Variants in C11orf65 observed in about 807,000 individuals in gnomAD.
C11orf65 encodes chromosome 11 open reading frame 65, also known as protein MFI.
C11orf65 carries 38 observed loss-of-function variants against 35.3 expected under a neutral mutation model. The ratio of observed to expected loss-of-function variants is 1.08; its 90% CI spans 0.83 to 1.41. The LOEUF (loss-of-function observed/expected upper bound fraction) is 1.41, where lower values mean the gene tolerates loss of function less well. C11orf65 is among the 40% of genes most tolerant of loss of function. The probability of loss-of-function intolerance (pLI) is 0.00; values close to 1 mark genes in which losing one functional copy is unlikely to be tolerated. For missense variants in C11orf65, 370 were observed against 367.1 expected (o/e 1.01, Z -0.06); for synonymous variants, 105 against 114.4 (o/e 0.92, Z 0.53).
chr11:108,452,027 C>G (rs1365908464), intron 2 of C11orf65, among the ~76,000 whole-genome samples: 2 of 152,056 alleles, frequency 1.3e-5, no homozygotes, highest in Non-Finnish European at 2.9e-5. Context: ...AAGACTTAAA[C>G]GTTAGACCTA....
chr11:108,461,978 A>G (rs1056114143), intron 1 of C11orf65, among the ~76,000 whole-genome samples: 8 of 152,136 alleles, frequency 5.3e-5, no homozygotes, highest in African/African-American at 1.9e-4. Context: ...TGAAAATTAA[A>G]TAGAGTTGTA....
chr11:108,319,836 A>AT, intron 6 of C11orf65: 1 of 717,074 alleles, frequency 1.4e-6, no homozygotes, highest in Non-Finnish European at 2.4e-6. Flanking sequence ...CTAGAAATGC[A>AT]TTTTTTAGAA....
chr11:108,419,489 A>C (rs757627729), intron 3 of C11orf65, among the ~76,000 whole-genome samples: 3 of 152,164 alleles, frequency 2.0e-5, no homozygotes, highest in Non-Finnish European at 2.9e-5. Context: ...CTTGAGGACA[A>C]GAGTTTGAGA....
At chr11:108,396,260 T>C (rs1288870402) in intron 6 of C11orf65, among the ~76,000 whole-genome samples, 2 of 151,766 alleles carry the variant, frequency 1.3e-5, no homozygotes, top group African/African-American at 4.8e-5. Flanking sequence ...GCTTAGCTAA[T>C]TTTTGTATTT....
chr11:108,407,195 G>C, intron 3 of C11orf65, 46 bp from the exon 4 acceptor site: 5 of 1,295,328 alleles, frequency 3.9e-6, no homozygotes, highest in Non-Finnish European at 5.3e-6. Flanking sequence ...TCAGGATTCT[G>C]TATGTATCAA....
chr11:108,415,848 T>C (rs567786188), intron 3 of C11orf65, among the ~76,000 whole-genome samples: 1 of 151,958 alleles, frequency 6.6e-6, no homozygotes, highest in African/African-American at 2.4e-5. Flanking sequence ...GCAAAGGCAA[T>C]TTAGTGACAA....
At chr11:108,429,217 T>C (rs1034579914) in intron 3 of C11orf65, among the ~76,000 whole-genome samples, 2 of 151,964 alleles carry the variant, frequency 1.3e-5, no homozygotes, top group Middle Eastern at 3.2e-3. Context: ...TATTGATAAA[T>C]TGAACTACAT....
chr11:108,448,101 G>A (rs1163455191), intron 2 of C11orf65, among the ~76,000 whole-genome samples: 3 of 152,106 alleles, frequency 2.0e-5, no homozygotes, highest in African/African-American at 7.2e-5. Flanking sequence ...TTGAATCTCT[G>A]AATAGACCAA....
downstream of C11orf65, chr11:108,327,447 A>G (rs2085784395): frequency 5.6e-6 from 3 of 535,450 alleles, no homozygotes; most frequent in Admixed American, 6.1e-5. Flanking sequence ...GGCAATAATA[A>G]TAATAAACAG....
chr11:108,407,101 C>T lies in C11orf65; in HGVS notation c.223G>A (p.Gly75Ser), dbSNP rs757036069. 5.6e-6 allele frequency: 9 copies of T among 1,610,648 alleles called. No individual in the cohort carries two copies. The highest frequency in any genetic ancestry group is 6.8e-6 in the Non-Finnish European group (8 of 1,177,518). The change falls in exon 4 of 9, where the codon GGT becomes AGT. Residue 75 changes from glycine to serine, a missense_variant. Physicochemically the swap from Gly to Ser is moderately conservative, Grantham distance 56 (BLOSUM62 0). Transcript: ENST00000393084. ...AAGIHVRFRL[G>S]GVKFPPDIYY... ...AAGCATTCATCCATACTTACTCCAC[C>T]TAATCTGAATCGCACATGAATGCCA... is the stretch of plus-strand genomic sequence containing the variant.
chr11:108,333,838 A>T, intron 3 of C11orf65: 1 of 1,429,360 alleles, frequency 7.0e-7, no homozygotes, highest in East Asian at 2.3e-5. Flanking sequence ...TTGACCTTCA[A>T]TGCTGTTCCT....
intron 2 of C11orf65, chr11:108,343,400 T>TGTA: frequency 6.2e-7 from 1 of 1,612,770 alleles, no homozygotes; most frequent in Non-Finnish European, 8.5e-7. Context: ...TAAAGGTTAT[T>TGTA]GTAAGATTAT....
chr11:108,444,863 G>A (rs2093225576), intron 2 of C11orf65, among the ~76,000 whole-genome samples: 1 of 152,176 alleles, frequency 6.6e-6, no homozygotes, highest in African/African-American at 2.4e-5. Context: ...GTCAAAGAAA[G>A]GGGTGACAGA....
chr11:108,442,599 G>T (rs2093174316), intron 2 of C11orf65, among the ~76,000 whole-genome samples: 1 of 152,136 alleles, frequency 6.6e-6, no homozygotes, highest in Non-Finnish European at 1.5e-5. Context: ...CCCACAAAGG[G>T]AAACCCATCA....
intron 2 of C11orf65, among the ~76,000 whole-genome samples, chr11:108,338,975 C>T (rs1432347577): frequency 1.3e-5 from 2 of 152,136 alleles, no homozygotes; most frequent in Admixed American, 1.3e-4. Context: ...TCAACAAGAG[C>T]ATACATTGAC....
chr11:108,359,995 A>T (rs2090511093), intron 2 of C11orf65, among the ~76,000 whole-genome samples: 1 of 151,876 alleles, frequency 6.6e-6, no homozygotes, highest in African/African-American at 2.4e-5. Context: ...TCAAAAAATT[A>T]ATGAATCCAG....
intron 3 of C11orf65, among the ~76,000 whole-genome samples, chr11:108,416,855 A>C (rs1314801049): frequency 6.6e-6 from 1 of 152,192 alleles, no homozygotes; most frequent in Non-Finnish European, 1.5e-5. Flanking sequence ...TTATTGAACT[A>C]AATGTACTCT....
intron 6 of C11orf65, among the ~76,000 whole-genome samples, chr11:108,396,193 A>C (rs2092305313): frequency 6.6e-6 from 1 of 152,046 alleles, no homozygotes; most frequent in South Asian, 2.1e-4. Flanking sequence ...CCTGGGTTCA[A>C]GCAGTTCTCC....
intron 2 of C11orf65, among the ~76,000 whole-genome samples, chr11:108,363,645 C>G (rs2091041163): frequency 6.6e-6 from 1 of 152,166 alleles, no homozygotes; most frequent in South Asian, 2.1e-4. Flanking sequence ...AGAAATACCC[C>G]ATCCAAAATG....
Sources: gnomAD v4.1 joint callset for allele counts (sites outside exome capture counted in the v4.1 genomes callset) on GRCh38, gnomAD v4.1.1 for gene constraint, MANE v1.5 for transcripts, NCBI Gene and HGNC (gene_info 2026-07-23, HGNC 2026-07-21) for gene names.